The following EYS variants were observed in gnomAD, a reference collection of about 807,000 sequenced individuals.
EYS encodes EGF-like photoreceptor maintenance factor, also known as protein eyes shut homolog.
Under a neutral mutation model 282.1 loss-of-function variants are expected in EYS, and 250 were observed. The ratio of observed to expected loss-of-function variants is 0.89; its 90% CI spans 0.80 to 0.98. The LOEUF (loss-of-function observed/expected upper bound fraction) is 0.98, where lower values mean the gene tolerates loss of function less well. Among genes scored for constraint, EYS ranks in the 50% least tolerant of loss-of-function variants. The pLI is 0.00. For missense variants in EYS, 4,016 were observed against 3,709.0 expected, an observed-to-expected ratio of 1.08 and a Z score of -2.15; for synonymous variants, 1,355 against 1,282.9, an observed-to-expected ratio of 1.06 and a Z score of -1.20.
chr6:65,234,635 A>G (rs1582047899), intron 12 of EYS, among the ~76,000 whole-genome samples: 1 of 152,218 alleles, frequency 6.6e-6, no homozygotes, highest in Non-Finnish European at 1.5e-5. Context: ...GGAAATGCCA[A>G]GATGAATAAG....
chr6:65,515,517 A>G (rs1262780662), intron 2 of EYS, among the ~76,000 whole-genome samples: 4 of 151,714 alleles, frequency 2.6e-5, no homozygotes, highest in Non-Finnish European at 4.4e-5. Flanking sequence ...CACTATTCAC[A>G]ATAGCAAAGA....
At chr6:64,877,818 A>G (rs1324621641) in intron 19 of EYS, among the ~76,000 whole-genome samples, 2 of 152,354 alleles carry the variant, frequency 1.3e-5, no homozygotes, top group South Asian at 2.1e-4. Context: ...TACACATTGT[A>G]GAAAGATTCA....
chr6:65,308,955 T>A (rs1769083575), intron 11 of EYS, among the ~76,000 whole-genome samples: 1 of 152,110 alleles, frequency 6.6e-6, no homozygotes, highest in African/African-American at 2.4e-5. Flanking sequence ...GTGTTAAGTT[T>A]AAATTCTCAG....
intron 34 of EYS, among the ~76,000 whole-genome samples, chr6:63,996,908 A>T (rs1030875247): frequency 6.6e-6 from 1 of 152,158 alleles, no homozygotes; most frequent in Non-Finnish European, 1.5e-5. Context: ...AAATTAATAC[A>T]GGTGTTTTTT....
intron 14 of EYS, among the ~76,000 whole-genome samples, chr6:64,994,498 C>T (rs1001946917): frequency 3.9e-5 from 6 of 151,960 alleles, no homozygotes; most frequent in African/African-American, 1.2e-4. Context: ...ACAAGCAGGC[C>T]GGTGACTCTT....
intron 31 of EYS, among the ~76,000 whole-genome samples, chr6:64,164,446 C>A (rs138245078): frequency 6.6e-6 from 1 of 152,170 alleles, no homozygotes; most frequent in Non-Finnish European, 1.5e-5. Context: ...AATTGAGGAA[C>A]TACTAAAGCA....
At chr6:64,135,945 T>C (rs1340096966) in intron 31 of EYS, among the ~76,000 whole-genome samples, 1 of 152,038 alleles carries the variant, frequency 6.6e-6, no homozygotes, top group Non-Finnish European at 1.5e-5. Context: ...GCCACATTAA[T>C]TGACTTACAA....
At chr6:65,180,446 C>G (rs553764866) in intron 12 of EYS, among the ~76,000 whole-genome samples, 1 of 151,940 alleles carries the variant, frequency 6.6e-6, no homozygotes, top group Non-Finnish European at 1.5e-5. Context: ...TGAGTGAACT[C>G]CCATTCACAA....
intron 35 of EYS, among the ~76,000 whole-genome samples, chr6:63,914,203 CCT>C (rs1315174037): frequency 6.6e-6 from 1 of 152,136 alleles, no homozygotes; most frequent in Non-Finnish European, 1.5e-5. Flanking sequence ...CCTACAATGA[CCT>C]CTAAGTGTTT....
intron 22 of EYS, among the ~76,000 whole-genome samples, chr6:64,683,341 A>G (rs1202375615): frequency 1.3e-5 from 2 of 152,186 alleles, no homozygotes; most frequent in Non-Finnish European, 2.9e-5. Flanking sequence ...ATATTTAAGG[A>G]GTTAAAAAAA....
At chr6:64,980,770 T>C (rs898877938) in intron 14 of EYS, among the ~76,000 whole-genome samples, 2 of 151,400 alleles carry the variant, frequency 1.3e-5, no homozygotes, top group Non-Finnish European at 3.0e-5. Flanking sequence ...TAATGATTTC[T>C]CACCAGGCCT....
intron 33 of EYS, among the ~76,000 whole-genome samples, chr6:64,018,922 A>T (rs972919141): frequency 7.9e-5 from 12 of 151,784 alleles, no homozygotes; most frequent in African/African-American, 2.9e-4. Flanking sequence ...CTACAGGCGC[A>T]TGCCATCATG....
intron 35 of EYS, among the ~76,000 whole-genome samples, chr6:63,880,595 G>C (rs1301832369): frequency 6.6e-6 from 1 of 151,254 alleles, no homozygotes; most frequent in Non-Finnish European, 1.5e-5. Flanking sequence ...AAGTTGTTGA[G>C]ACTGAGACAC....
intron 14 of EYS, among the ~76,000 whole-genome samples, chr6:64,973,907 T>C (rs996770779): frequency 6.6e-6 from 1 of 151,902 alleles, no homozygotes; most frequent in African/African-American, 2.4e-5. Context: ...CAAATTAAAA[T>C]ATGAGACAAA....
intron 29 of EYS, among the ~76,000 whole-genome samples, chr6:64,308,990 T>A (rs922447074): frequency 3.9e-5 from 6 of 152,090 alleles, no homozygotes; most frequent in African/African-American, 1.2e-4. Flanking sequence ...ATTCTTATTT[T>A]TACTGCAGTT....
chr6:63,840,576 C>G (rs1333316636), intron 36 of EYS, among the ~76,000 whole-genome samples: 1 of 151,852 alleles, frequency 6.6e-6, no homozygotes, highest in Non-Finnish European at 1.5e-5. Context: ...CTTTTGTTGT[C>G]TGTGATTTTG....
At chr6:65,412,159 G>A (rs1474920840) in intron 5 of EYS, among the ~76,000 whole-genome samples, 3 of 152,088 alleles carry the variant, frequency 2.0e-5, no homozygotes, top group African/African-American at 7.2e-5. Flanking sequence ...AAACCATGAA[G>A]TGTGCCTTAC....
At chr6:64,682,237 G>A (rs1224817488) in intron 22 of EYS, among the ~76,000 whole-genome samples, 2 of 151,992 alleles carry the variant, frequency 1.3e-5, no homozygotes, top group South Asian at 2.1e-4. Context: ...GCGTGGTGGC[G>A]GGCGCCTGTA....
intron 12 of EYS, among the ~76,000 whole-genome samples, chr6:65,271,216 T>C (rs945957139): frequency 6.9e-6 from 1 of 144,762 alleles, no homozygotes; most frequent in African/African-American, 2.5e-5. Flanking sequence ...CACAATCTGC[T>C]GTCTGCCAAT....
Sources: allele counts gnomAD v4.1 joint callset (sites outside exome capture counted in the v4.1 genomes callset), GRCh38; gene constraint gnomAD v4.1.1; transcripts MANE v1.5; gene names NCBI Gene and HGNC (gene_info 2026-07-23, HGNC 2026-07-21).